PHKB: variants seen among roughly 807,000 people sequenced by gnomAD.
PHKB encodes the protein phosphorylase kinase regulatory subunit beta, also known as phosphorylase b kinase regulatory subunit beta.
PHKB carries 122 observed loss-of-function variants against 152.1 expected under a neutral mutation model. The ratio of observed to expected loss-of-function variants is 0.80; its 90% CI spans 0.69 to 0.93. PHKB has a LOEUF of 0.93. Ranked by LOEUF, PHKB falls within the 40% of genes least tolerant of loss-of-function variation. The pLI is 0.00. For missense variants in PHKB, 1,304 were observed against 1,328.4 expected (o/e 0.98, Z 0.29); for synonymous variants, 436 against 464.9 (o/e 0.94, Z 0.80).
intron 20 of PHKB, among the ~76,000 whole-genome samples, chr16:47,652,256 G>GATAC (rs1973250353): frequency 6.6e-6 from 1 of 151,570 alleles, no homozygotes; most frequent in Non-Finnish European, 1.5e-5. Flanking sequence ...GATTCAGGGG[G>GATAC]ATACATATAC....
chr16:47,662,511 G>GA (rs1193372421), intron 23 of PHKB, among the ~76,000 whole-genome samples: 1 of 152,198 alleles, frequency 6.6e-6, no homozygotes, highest in Non-Finnish European at 1.5e-5. Flanking sequence ...GGTTAGAACT[G>GA]AAAAACAGCA....
At chr16:47,564,152 C>CT (rs1426425392) in intron 7 of PHKB, among the ~76,000 whole-genome samples, 3 of 151,632 alleles carry the variant, frequency 2.0e-5, no homozygotes, top group Admixed American at 6.6e-5. Context: ...ATGCAGGTAT[C>CT]TTTTTTATAT....
intron 14 of PHKB, among the ~76,000 whole-genome samples, chr16:47,611,388 G>A (rs1367576502): frequency 6.6e-6 from 1 of 152,162 alleles, no homozygotes; most frequent in Non-Finnish European, 1.5e-5. Context: ...GATTCAGACT[G>A]TGTTGTGTCA....
intron 6 of PHKB, among the ~76,000 whole-genome samples, chr16:47,526,358 C>T (rs182257911): frequency 1.3e-4 from 19 of 151,814 alleles, no homozygotes; most frequent in African/African-American, 3.9e-4. Flanking sequence ...TGCAGTGAGC[C>T]GAGATCGTGC....
intron 20 of PHKB, among the ~76,000 whole-genome samples, chr16:47,660,171 A>AT (rs1050503732): frequency 9.9e-5 from 15 of 151,998 alleles, no homozygotes; most frequent in East Asian, 1.9e-4. Flanking sequence ...CAGAAATGTT[A>AT]TTTTTTTTAA....
chr16:47,683,537 C>T (rs1973903695), intron 26 of PHKB, among the ~76,000 whole-genome samples: 1 of 152,344 alleles, frequency 6.6e-6, no homozygotes, highest in South Asian at 2.1e-4. Flanking sequence ...ATCAGCGAGA[C>T]TCCGTGGCCA....
At position 47,497,287 on chromosome 16, in the gene PHKB, C is replaced by T. The variant is rs1970248165; in HGVS notation, c.77-112C>T. Reference sequence around the variant, plus strand: ...ACAAGTAGTAAAGTATGGTACTTCACATAAAATAATGGAAGTTAGATTAAG... The same window carrying T: ...ACAAGTAGTAAAGTATGGTACTTCATATAAAATAATGGAAGTTAGATTAAG... On this transcript the variant is annotated intron_variant, in intron 1 of 30. Coordinates refer to ENST00000323584, the MANE Select transcript of PHKB (RefSeq NM_000293.3). The T allele has an allele frequency of 5.6e-6, 4 of 715,482 alleles. 1 individual carries two copies. Among genetic ancestry groups the T allele is most frequent in the South Asian group, 4.6e-5 (3 of 64,762 alleles). The allele number at this position is 715,482 out of a possible 1,614,324, so 44.3% of individuals were successfully genotyped here.
At chr16:47,606,505 AG>A (rs1482195215) in intron 13 of PHKB, among the ~76,000 whole-genome samples, 1 of 152,248 alleles carries the variant, frequency 6.6e-6, no homozygotes, top group Non-Finnish European at 1.5e-5. Context: ...GCTTACATGC[AG>A]TAAAAATGAA....
At chr16:47,680,047 T>C (rs1467502416) in intron 26 of PHKB, among the ~76,000 whole-genome samples, 1 of 152,214 alleles carries the variant, frequency 6.6e-6, no homozygotes, top group Non-Finnish European at 1.5e-5. Flanking sequence ...TTGTCTTTGG[T>C]TCTGTTTATA....
At position 47,669,430 on chromosome 16, in the gene PHKB, C is replaced by G. The variant is rs1232174146; in HGVS notation, c.2630+13C>G. 1 of 1,610,790 alleles carries G rather than the reference C, an allele frequency of 6.2e-7. No individual in the cohort carries two copies. Among genetic ancestry groups the G allele is most frequent in the African/African-American group, 1.3e-5 (1 of 74,936 alleles). The stretch of plus-strand genomic sequence containing the variant: ...AAATACGAATCGGGTGAGTGAAGTC[C>G]TTTGCATTTGCATAAAGAGAATTGT... On this transcript the variant is annotated intron_variant, in intron 26 of 30. Coordinates refer to ENST00000323584, the MANE Select transcript of PHKB (RefSeq NM_000293.3).
At position 47,505,985 on chromosome 16, in the gene PHKB, T is replaced by C. The variant is rs1970409019; in HGVS notation, c.405+2895T>C. Among the ~76,000 whole-genome samples the C allele has an allele frequency of 1.4e-5, 2 of 142,798 alleles. 1 individual carries two copies. The highest frequency in any genetic ancestry group is 4.3e-4 in the South Asian group (2 of 4,628). 93.7% of individuals were successfully genotyped at this position (142,798 alleles called of 152,430 possible). ...AGGGAGAGGTTGCAGTGAGCTGAGATCTCATTGCTTCCCAGCATGGGCAAC... is the reference window on the plus strand; with the variant it reads ...AGGGAGAGGTTGCAGTGAGCTGAGACCTCATTGCTTCCCAGCATGGGCAAC... On this transcript the variant is annotated intron_variant, in intron 4 of 30. Coordinates refer to ENST00000323584, the MANE Select transcript of PHKB (RefSeq NM_000293.3).
intron 1 of PHKB, 82 bp downstream of exon 1, chr16:47,461,508 G>C (rs1969555393): frequency 1.4e-6 from 2 of 1,419,512 alleles, no homozygotes; most frequent in Non-Finnish European, 2.0e-6. Context: ...GAGGCAGGTG[G>C]GGGCCCTGGG....
At chr16:47,473,610 C>T (rs1238016262) in intron 1 of PHKB, among the ~76,000 whole-genome samples, 1 of 151,652 alleles carries the variant, frequency 6.6e-6, no homozygotes, top group Non-Finnish European at 1.5e-5. Flanking sequence ...GGTTTTATAG[C>T]TTTCTTCTCT....
At position 47,552,676 on chromosome 16, in the gene PHKB, G is replaced by A. The variant is rs867526666; in HGVS notation, c.710+5128G>A. Among the ~76,000 whole-genome samples, 12 of 152,150 alleles carry A rather than the reference G, an allele frequency of 7.9e-5. No homozygotes were observed. The South Asian group carries it at 2.5e-3, about 32-fold the overall frequency. On this transcript the variant is annotated intron_variant, in intron 7 of 30. Transcript: ENST00000323584. The stretch of plus-strand genomic sequence containing the variant: ...ATACAAAAATTAGCCGAGTGTGGTG[G>A]CGGGTGCCTGTAATCCCAGCAATTC...
chr16:47,667,006 A>G (rs1442767782), intron 25 of PHKB, among the ~76,000 whole-genome samples: 2 of 152,194 alleles, frequency 1.3e-5, no homozygotes, highest in East Asian at 3.8e-4. Context: ...CCCATTGGTC[A>G]TATTTCAGGG....
intron 29 of PHKB, among the ~76,000 whole-genome samples, chr16:47,697,684 G>A (rs1229033048): frequency 1.3e-5 from 2 of 152,170 alleles, no homozygotes; most frequent in Non-Finnish European, 1.5e-5. Flanking sequence ...ACTATGAGGC[G>A]TGTTTCCTGT....
intron 7 of PHKB, among the ~76,000 whole-genome samples, chr16:47,549,034 C>T (rs78566472): frequency 0.022 from 3,350 of 152,206 alleles, 40 homozygotes; most frequent in Middle Eastern, 0.041. Flanking sequence ...TTTTGTGATT[C>T]ATGTGAGGAA....
At position 47,603,901 on chromosome 16, in the gene PHKB, G is replaced by A. The variant is rs1011298415; in HGVS notation, c.1364-6925G>A. Reference sequence around the variant, plus strand: ...AACATCTCTCTGAGATGGGTACTATGTGGCATAGGTGAGGAAACTAAGGCC... The same window carrying A: ...AACATCTCTCTGAGATGGGTACTATATGGCATAGGTGAGGAAACTAAGGCC... On this transcript the variant is annotated intron_variant, in intron 13 of 30. Coordinates refer to ENST00000323584, the MANE Select transcript of PHKB (RefSeq NM_000293.3). Among the ~76,000 whole-genome samples the A allele has an allele frequency of 3.9e-5, 6 of 152,216 alleles. No individual in the cohort carries two copies. The South Asian group carries it at 1.2e-3, about 32-fold the overall frequency.
intron 10 of PHKB, among the ~76,000 whole-genome samples, chr16:47,591,733 C>T (rs995426350): frequency 2.0e-5 from 3 of 152,106 alleles, no homozygotes; most frequent in African/African-American, 7.2e-5. Context: ...TATGCAGCTG[C>T]CTTGTGAACA....
Sources: allele counts gnomAD v4.1 joint callset (sites outside exome capture counted in the v4.1 genomes callset), GRCh38; gene constraint gnomAD v4.1.1; transcripts MANE v1.5; gene names NCBI Gene and HGNC (gene_info 2026-07-23, HGNC 2026-07-21).